DUSP16: variants seen among roughly 807,000 people sequenced by gnomAD.
The protein encoded by DUSP16 is dual specificity phosphatase 16.
DUSP16 carries 21 observed loss-of-function variants against 58.3 expected under a neutral mutation model. That is an observed-to-expected ratio of 0.36 (90% CI 0.26 to 0.52). DUSP16 has a LOEUF of 0.52. Among genes scored for constraint, DUSP16 ranks in the 20% least tolerant of loss-of-function variants. The pLI is 0.94. For missense variants in DUSP16, 726 were observed against 819.0 expected (o/e 0.89, Z 1.39); for synonymous variants, 320 against 323.8 (o/e 0.99, Z 0.12).
rs1330929212 is a variant in DUSP16, at chr12:12,500,410, A to C, written c.531+109T>G. The C allele has an allele frequency of 3.8e-6, 5 of 1,313,790 alleles. No individual in the cohort carries two copies. The East Asian group carries it at 7.6e-5, about 20-fold the overall frequency. 81.4% of individuals were successfully genotyped at this position (1,313,790 alleles called of 1,614,324 possible). A position where few individuals can be genotyped will look rare whatever the true frequency, so the allele number is the denominator to read the frequency against. ...ACCTGGGGAGCACACTGAGAATGGC[A>C]TAGCAGCTCCTGAGATTGGGGTGTG... On this transcript the variant is annotated intron_variant, in intron 4 of 6. Coordinates refer to ENST00000298573, the MANE Select transcript of DUSP16 (RefSeq NM_030640.3).
At chr12:12,547,531 T>TAAAAAAA (rs761142479) in intron 1 of DUSP16, among the ~76,000 whole-genome samples, 1 of 66,656 alleles carries the variant, frequency 1.5e-5, no homozygotes. Flanking sequence ...TGAGTAGGCT[T>TAAAAAAA]AAAAAAAAAA....
intron 5 of DUSP16, among the ~76,000 whole-genome samples, chr12:12,482,290 A>G (rs1054870498): frequency 2.6e-5 from 4 of 152,176 alleles, no homozygotes; most frequent in African/African-American, 9.7e-5. Flanking sequence ...ATAAAAAAAG[A>G]AGAAGGCTGG....
chr12:12,475,285 T>C lies in DUSP16; in HGVS notation c.*1548A>G, dbSNP rs888197. ...TTAAGGCTTCAAAAGAGGACCCACATTGTAGCTGATAAAACTCAAGCCAGG... is the reference window on the plus strand; with the variant it reads ...TTAAGGCTTCAAAAGAGGACCCACACTGTAGCTGATAAAACTCAAGCCAGG... On this transcript the variant is annotated 3_prime_UTR_variant, in exon 7 of 7. Transcript: ENST00000298573. 0.3 allele frequency: 42,660 copies of C among 142,780 alleles called. 6,633 individuals carry two copies. The highest frequency in any genetic ancestry group is 0.35 in the Non-Finnish European group (23,192 of 66,092). 8.8% of individuals were successfully genotyped at this position (142,780 alleles called of 1,614,324 possible). A position where few individuals can be genotyped will look rare whatever the true frequency, so the allele number is the denominator to read the frequency against.
At position 12,477,038 on chromosome 12, in the gene DUSP16, C is replaced by T. The variant is rs202242730; in HGVS notation, c.1793G>A (p.Arg598His). ...TCTGTCACTTGGCTTCTGCCGCCTGCGCACAGAATAGACTTGGTCTCCGCA... is the reference window on the plus strand; with the variant it reads ...TCTGTCACTTGGCTTCTGCCGCCTGTGCACAGAATAGACTTGGTCTCCGCA... The part of the protein sequence containing the change: ...PTCGDQVYSV[R>H]RRQKPSDRAD... The change falls in exon 7 of 7, where the codon CGC becomes CAC. Residue 598 changes from arginine to histidine, a missense_variant. Coordinates refer to ENST00000298573, the MANE Select transcript of DUSP16 (RefSeq NM_030640.3). The surrounding 1 kb of genome is among the most constrained non-coding windows in gnomAD (Gnocchi z 4.1). 130 of 1,614,272 alleles carry T rather than the reference C, an allele frequency of 8.1e-5. No individual in the cohort carries two copies. Among genetic ancestry groups the T allele is most frequent in the Admixed American group, 6.2e-4 (37 of 60,028 alleles).
At chr12:12,499,436 T>C (rs774253577) in intron 4 of DUSP16, among the ~76,000 whole-genome samples, 4 of 152,194 alleles carry the variant, frequency 2.6e-5, no homozygotes, top group Non-Finnish European at 5.9e-5. Context: ...AGCAGACATA[T>C]TAACAACACA....
At chr12:12,520,383 T>C (rs200869695) in intron 2 of DUSP16, among the ~76,000 whole-genome samples, 2 of 152,188 alleles carry the variant, frequency 1.3e-5, no homozygotes, top group East Asian at 1.9e-4. Flanking sequence ...CATGAGCTCA[T>C]TTGTATTTGT....
At chr12:12,504,691 T>TAAAAAAA (rs57833371) in intron 3 of DUSP16, among the ~76,000 whole-genome samples, 1 of 119,132 alleles carries the variant, frequency 8.4e-6, no homozygotes, top group Non-Finnish European at 1.7e-5. Flanking sequence ...CAATCTCTGT[T>TAAAAAAA]AAAAAAAAAA....
At chr12:12,550,128 C>T (rs1047248604) in intron 1 of DUSP16, among the ~76,000 whole-genome samples, 1 of 152,048 alleles carries the variant, frequency 6.6e-6, no homozygotes, top group Non-Finnish European at 1.5e-5. Context: ...TAAAAATTAG[C>T]TAGGCATGAT....
chr12:12,476,903 C>T lies in DUSP16; in HGVS notation c.1928G>A (p.Arg643Gln), dbSNP rs751164918. Residue 643 changes from arginine (R) to glutamine (Q), a missense_variant, in exon 7 of 7, where the codon CGG becomes CAG. By Grantham distance (43) the Arg-to-Gln change is conservative. Coordinates refer to ENST00000298573, the MANE Select transcript of DUSP16 (RefSeq NM_030640.3). ...GESIMSENRS[R>Q]EELGKVGSQS... ...ACTGCCCACTTTCCCCAGCTCTTCC[C>T]GTGACCTGTTCTCTGACATGATGCT... The T allele has an allele frequency of 3.3e-5, 54 of 1,613,628 alleles. No homozygotes were observed. Among genetic ancestry groups the T allele is most frequent in the Non-Finnish European group, 4.1e-5 (48 of 1,180,032 alleles).
intron 1 of DUSP16, among the ~76,000 whole-genome samples, chr12:12,547,174 A>T (rs1164021469): frequency 6.6e-6 from 1 of 152,204 alleles, no homozygotes; most frequent in Non-Finnish European, 1.5e-5. Context: ...CATGCCTGTA[A>T]TCCCAGCACC....
chr12:12,504,831 C>T (rs1050649838), intron 3 of DUSP16, among the ~76,000 whole-genome samples: 10 of 151,762 alleles, frequency 6.6e-5, no homozygotes, highest in African/African-American at 9.7e-5. Flanking sequence ...GAGCTGTGAT[C>T]GCACCACTGC....
intron 1 of DUSP16, among the ~76,000 whole-genome samples, chr12:12,544,280 G>A (rs141674483): frequency 2.2e-4 from 34 of 152,236 alleles, no homozygotes; most frequent in African/African-American, 8.2e-4. Flanking sequence ...CTATGTTGTT[G>A]TAAGTAGCAA....
rs746201167 is a variant in DUSP16, at chr12:12,520,982, T to C, written c.117A>G (p.Thr39=). 3.1e-6 allele frequency: 5 copies of C among 1,614,208 alleles called. No homozygotes were observed. Among genetic ancestry groups the C allele is most frequent in the Admixed American group, 3.3e-5 (2 of 60,026 alleles). The change falls in exon 2 of 7, where the codon ACA becomes ACG. Residue 39 remains threonine, a synonymous_variant. Transcript: ENST00000298573. ...IDSRPFVEYN[T]SHILEAININ... The stretch of plus-strand genomic sequence containing the variant: ...TATTAATGGCTTCCAAAATGTGGGA[T>C]GTATTGTATTCCACAAATGGCCGGC...
At chr12:12,481,330 T>C (rs555220160) in intron 5 of DUSP16, among the ~76,000 whole-genome samples, 4 of 152,184 alleles carry the variant, frequency 2.6e-5, no homozygotes, top group Non-Finnish European at 5.9e-5. Context: ...GACGAGGTTA[T>C]TCCACACAGC....
rs1367367596 is a variant in DUSP16, at chr12:12,562,729, A to AGGGCGGT, written c.-985_-979dup. On this transcript the variant is annotated 5_prime_UTR_variant, in exon 1 of 7. An upstream open reading frame in the 5' UTR loses its in-frame stop. Transcript: ENST00000298573. Reference sequence around the variant, plus strand: ...GGGAAAGGAGGAGACAGGCGAGGGCAGGGCGGTGGGCGCCGGGCGGGGCCG... The same window carrying AGGGCGGT: ...GGGAAAGGAGGAGACAGGCGAGGGCAGGGCGGTGGGCGGTGGGCGCCGGGCGGGGCCG... Among the ~76,000 whole-genome samples, 1 of 151,488 alleles carries AGGGCGGT rather than the reference A, an allele frequency of 6.6e-6. No homozygotes were observed. Among genetic ancestry groups the AGGGCGGT allele is most frequent in the Non-Finnish European group, 1.5e-5 (1 of 67,746 alleles).
chr12:12,505,343 A>AAT (rs1943977547), intron 3 of DUSP16, among the ~76,000 whole-genome samples: 1 of 152,246 alleles, frequency 6.6e-6, no homozygotes, highest in African/African-American at 2.4e-5. Context: ...AAACTGATGG[A>AAT]AGAGCCTTGT....
At chr12:12,483,013 G>A (rs758860252) in intron 5 of DUSP16, among the ~76,000 whole-genome samples, 1 of 152,122 alleles carries the variant, frequency 6.6e-6, no homozygotes, top group Non-Finnish European at 1.5e-5. Flanking sequence ...CCTGGCCAAG[G>A]CTACCTTTTT....
intron 1 of DUSP16, among the ~76,000 whole-genome samples, chr12:12,544,503 A>G (rs76329302): frequency 5.3e-5 from 8 of 152,222 alleles, no homozygotes; most frequent in Non-Finnish European, 1.2e-4. Flanking sequence ...GGTTAAACGC[A>G]TAAGTATGTA....
At chr12:12,493,989 ACT>A (rs1340147400) in intron 4 of DUSP16, among the ~76,000 whole-genome samples, 1 of 152,158 alleles carries the variant, frequency 6.6e-6, no homozygotes, top group Non-Finnish European at 1.5e-5. Flanking sequence ...CACCTAGAAC[ACT>A]GTTTGGCACA....
Sources: allele counts gnomAD v4.1 joint callset (sites outside exome capture counted in the v4.1 genomes callset), GRCh38; gene constraint gnomAD v4.1.1; non-coding constraint Gnocchi (gnomAD v3.1); transcripts MANE v1.5; gene names NCBI Gene and HGNC (gene_info 2026-07-23, HGNC 2026-07-21).